PITPNC1: variants seen among roughly 807,000 people sequenced by gnomAD.
PITPNC1 encodes phosphatidylinositol transfer protein cytoplasmic 1.
Under a neutral mutation model 44.7 loss-of-function variants are expected in PITPNC1, and 18 were observed. That is an observed-to-expected ratio of 0.40 (90% CI 0.28 to 0.60). PITPNC1 has a LOEUF of 0.60. PITPNC1 is among the 20% of genes least tolerant of loss of function. PITPNC1 has a pLI of 0.39. For missense variants in PITPNC1, 290 were observed against 418.4 expected (o/e 0.69, Z 2.68); for synonymous variants, 141 against 149.6 (o/e 0.94, Z 0.42).
At chr17:67,384,201 C>A (rs1206141949) in intron 1 of PITPNC1, among the ~76,000 whole-genome samples, 1 of 152,082 alleles carries the variant, frequency 6.6e-6, no homozygotes, top group African/African-American at 2.4e-5. Context: ...CCCTCCCCTC[C>A]GAGAAAAGAG....
intron 1 of PITPNC1, among the ~76,000 whole-genome samples, chr17:67,464,976 T>TG (rs1282549147): frequency 6.6e-6 from 1 of 152,194 alleles, no homozygotes; most frequent in Non-Finnish European, 1.5e-5. Flanking sequence ...TGACCTCAGG[T>TG]GATCCACCCG....
chr17:67,501,839 A>G (rs908823464), intron 1 of PITPNC1, among the ~76,000 whole-genome samples: 1 of 152,058 alleles, frequency 6.6e-6, no homozygotes, highest in Admixed American at 6.6e-5. Context: ...GTCTCAAAAA[A>G]AAAAAAAAGT....
At chr17:67,682,390 G>A (rs751803849) in intron 8 of PITPNC1, among the ~76,000 whole-genome samples, 1 of 152,116 alleles carries the variant, frequency 6.6e-6, no homozygotes, top group Non-Finnish European at 1.5e-5. Context: ...TGATGGTTGA[G>A]GAGGAGATTT....
rs144017496 is a variant in PITPNC1 at position 67,485,291 on chromosome 17, G to A, written c.49-47511G>A. Among the ~76,000 whole-genome samples, 586 of 152,016 alleles carry A rather than the reference G, an allele frequency of 3.9e-3. 3 individuals are homozygous for A. Among genetic ancestry groups the A allele is most frequent in the Non-Finnish European group, 5.7e-3 (389 of 67,994 alleles). ...GCATGGATGCTTACATTTTCATTCC[G>A]GATTTGTGGATTTTGCACTAGGGTA... On this transcript the variant is annotated intron_variant, in intron 1 of 8. Transcript: ENST00000581322.
chr17:67,691,390 GATT>G (rs1230255520), intron 8 of PITPNC1, among the ~76,000 whole-genome samples: 1 of 152,168 alleles, frequency 6.6e-6, no homozygotes, highest in African/African-American at 2.4e-5. Flanking sequence ...ATCCAACAAT[GATT>G]ATTAACAGTG....
rs1160522771 is a variant in PITPNC1 at position 67,425,193 on chromosome 17, G to GCGCGCGCGCACA, written c.48+46992_48+46993insGCGCGCGCACAC. Among the ~76,000 whole-genome samples, 10 of 52,116 alleles carry GCGCGCGCGCACA rather than the reference G, an allele frequency of 1.9e-4. 1 individual carries two copies. In the East Asian group the frequency reaches 3.3e-3, roughly 17 times the overall value. 34.2% of individuals were successfully genotyped at this position (52,116 alleles called of 152,430 possible). On this transcript the variant is annotated intron_variant, in intron 1 of 8. Coordinates refer to ENST00000581322, the MANE Select transcript of PITPNC1 (RefSeq NM_012417.4). ...AAATAAACAGCCATGTTGTGCGCGCGCACGCACACGCACACACACACACAC... is the reference window on the plus strand; with the variant it reads ...AAATAAACAGCCATGTTGTGCGCGCGCGCGCGCGCACACACGCACACGCACACACACACACAC...
At chr17:67,637,351 T>C (rs537773299) in intron 6 of PITPNC1, among the ~76,000 whole-genome samples, 3 of 152,274 alleles carry the variant, frequency 2.0e-5, no homozygotes, top group African/African-American at 4.8e-5. Context: ...TCTTTGTAAG[T>C]TGACGATGTC....
chr17:67,575,877 TCC>T (rs577286311), intron 4 of PITPNC1, among the ~76,000 whole-genome samples: 5,653 of 30,192 alleles, frequency 0.19, 526 homozygotes, highest in African/African-American at 0.32. Context: ...TTTCTTTCTT[TCC>T]TTTTTTTTTT....
intron 1 of PITPNC1, among the ~76,000 whole-genome samples, chr17:67,424,317 A>G (rs999211269): frequency 3.3e-5 from 5 of 152,112 alleles, no homozygotes; most frequent in African/African-American, 1.2e-4. Flanking sequence ...TCACCATCGT[A>G]TTTAATCCAA....
chr17:67,683,280 A>C (rs1376747932), intron 8 of PITPNC1, among the ~76,000 whole-genome samples: 1 of 152,166 alleles, frequency 6.6e-6, no homozygotes, highest in South Asian at 2.1e-4. Flanking sequence ...ATCAATCAAT[A>C]ATAAAGATGA....
At chr17:67,531,217 C>G (rs181933738) in intron 1 of PITPNC1, among the ~76,000 whole-genome samples, 1 of 152,226 alleles carries the variant, frequency 6.6e-6, no homozygotes, top group East Asian at 1.9e-4. Context: ...TAGTCCCGCC[C>G]GTGTGACAGA....
intron 1 of PITPNC1, among the ~76,000 whole-genome samples, chr17:67,429,629 C>T (rs1454994456): frequency 6.0e-5 from 9 of 151,110 alleles, no homozygotes; most frequent in Non-Finnish European, 1.0e-4. Context: ...ACCTGGGAGG[C>T]GGAGGTTGCA....
chr17:67,410,939 C>T (rs1297153540), intron 1 of PITPNC1, among the ~76,000 whole-genome samples: 3 of 151,676 alleles, frequency 2.0e-5, no homozygotes, highest in African/African-American at 4.8e-5. Context: ...ACAAATTAGC[C>T]GGGCGTGGTG....
chr17:67,674,967 G>A (rs925607392), intron 7 of PITPNC1, among the ~76,000 whole-genome samples: 1 of 149,236 alleles, frequency 6.7e-6, no homozygotes, highest in African/African-American at 2.5e-5. Flanking sequence ...AGCCAAGATC[G>A]CGCCACTGCA....
intron 6 of PITPNC1, among the ~76,000 whole-genome samples, chr17:67,649,843 T>C (rs992082487): frequency 6.6e-6 from 1 of 152,128 alleles, no homozygotes; most frequent in African/African-American, 2.4e-5. Flanking sequence ...TTTACCAGTT[T>C]ATTATCAAGG....
At chr17:67,587,987 A>G (rs977086572) in intron 5 of PITPNC1, among the ~76,000 whole-genome samples, 3 of 152,234 alleles carry the variant, frequency 2.0e-5, no homozygotes, top group Admixed American at 6.5e-5. Context: ...GACAATAGCC[A>G]TCGTGAAGTT....
At chr17:67,567,515 C>T (rs1015472210) in intron 4 of PITPNC1, among the ~76,000 whole-genome samples, 5 of 151,000 alleles carry the variant, frequency 3.3e-5, no homozygotes, top group Admixed American at 1.3e-4. Context: ...GGCGACGAGA[C>T]GTGCTATCAA....
At chr17:67,399,266 G>A (rs1480488407) in intron 1 of PITPNC1, among the ~76,000 whole-genome samples, 5 of 152,066 alleles carry the variant, frequency 3.3e-5, no homozygotes, top group African/African-American at 1.2e-4. Context: ...GCTCACCTCG[G>A]CCTCCCAAAG....
At chr17:67,551,793 C>T (rs2163917) in intron 2 of PITPNC1, among the ~76,000 whole-genome samples, 1 of 152,194 alleles carries the variant, frequency 6.6e-6, no homozygotes, top group Non-Finnish European at 1.5e-5. Context: ...TAAGTTGCTG[C>T]TCTCTGTTGG....
Sources: allele counts gnomAD v4.1 joint callset (sites outside exome capture counted in the v4.1 genomes callset), GRCh38; gene constraint gnomAD v4.1.1; transcripts MANE v1.5; gene names NCBI Gene and HGNC (gene_info 2026-07-23, HGNC 2026-07-21).